Variants in PCDH15 observed in about 807,000 individuals in gnomAD.
PCDH15 encodes protocadherin related 15.
A neutral mutation model predicts 178.5 loss-of-function variants in PCDH15; 129 were observed. That is an observed-to-expected ratio of 0.72 (90% confidence interval 0.63 to 0.84). The LOEUF (loss-of-function observed/expected upper bound fraction) is 0.84, where lower values mean the gene tolerates loss of function less well. Among genes scored for constraint, PCDH15 ranks in the 40% least tolerant of loss-of-function variants. PCDH15 has a pLI of 0.00. For missense variants in PCDH15, 2,230 were observed against 2,099.9 expected (o/e 1.06, Z -1.21); for synonymous variants, 800 against 732.0 (o/e 1.09, Z -1.50).
chr10:54,999,677 C>G (rs4522075), intron 2 of PCDH15, among the ~76,000 whole-genome samples: 111,411 of 152,032 alleles, frequency 0.73, 40,957 homozygotes, highest in East Asian at 0.87. Context: ...CAGGGCAGGA[C>G]GCCACAGTAC....
At chr10:53,830,261 C>T (rs917776691) in intron 30 of PCDH15, among the ~76,000 whole-genome samples, 3 of 151,236 alleles carry the variant, frequency 2.0e-5, no homozygotes, top group Non-Finnish European at 2.9e-5. Flanking sequence ...GAGATCACAC[C>T]ACTGCACTCC....
chr10:54,722,906 A>G (rs917614665), intron 1 of PCDH15, among the ~76,000 whole-genome samples: 15 of 151,830 alleles, frequency 9.9e-5, no homozygotes, highest in Non-Finnish European at 2.2e-4. Flanking sequence ...GACAAAAACA[A>G]ATGGAAAACC....
intron 9 of PCDH15, among the ~76,000 whole-genome samples, chr10:54,225,581 A>G (rs2053344482): frequency 6.6e-6 from 1 of 152,152 alleles, no homozygotes; most frequent in Non-Finnish European, 1.5e-5. Flanking sequence ...CCTTATAATC[A>G]CTGAAGGAAA....
chr10:54,372,110 A>T (rs530211640), intron 4 of PCDH15, among the ~76,000 whole-genome samples: 1 of 152,040 alleles, frequency 6.6e-6, no homozygotes, highest in South Asian at 2.1e-4. Flanking sequence ...AACAAAATAA[A>T]TATGTGTACT....
chr10:55,111,890 A>G (rs1837517010), intron 2 of PCDH15, among the ~76,000 whole-genome samples: 1 of 152,180 alleles, frequency 6.6e-6, no homozygotes, highest in Non-Finnish European at 1.5e-5. Flanking sequence ...TTCTTTTTCA[A>G]ATTGCTGTTT....
chr10:53,973,880 A>G (rs776394219), intron 21 of PCDH15, among the ~76,000 whole-genome samples: 4 of 152,254 alleles, frequency 2.6e-5, no homozygotes, highest in Admixed American at 6.5e-5. Flanking sequence ...AGAAGGATAC[A>G]TGTATTTTAG....
intron 4 of PCDH15, among the ~76,000 whole-genome samples, chr10:54,373,111 A>G (rs1354796167): frequency 6.6e-6 from 1 of 151,928 alleles, no homozygotes; most frequent in East Asian, 1.9e-4. Flanking sequence ...ATTTGTTGAT[A>G]TTAGCAGTTT....
At chr10:53,920,566 T>C (rs1189081430) in intron 25 of PCDH15, among the ~76,000 whole-genome samples, 1 of 152,050 alleles carries the variant, frequency 6.6e-6, no homozygotes, top group Non-Finnish European at 1.5e-5. Context: ...AAATAGTTAA[T>C]GTTAATGTTA....
chr10:55,626,143 GAA>G (rs1564490412), intron 2 of PCDH15, among the ~76,000 whole-genome samples: 1 of 151,104 alleles, frequency 6.6e-6, no homozygotes, highest in Non-Finnish European at 1.5e-5. Context: ...AAGAGAGAGA[GAA>G]AGAGAGAGAG....
intron 2 of PCDH15, among the ~76,000 whole-genome samples, chr10:54,904,106 T>C (rs1954682610): frequency 6.6e-6 from 1 of 152,046 alleles, no homozygotes; most frequent in African/African-American, 2.4e-5. Flanking sequence ...AATGAAACAA[T>C]ATCATGCTGT....
chr10:54,745,757 T>C (rs1945376762), intron 1 of PCDH15, among the ~76,000 whole-genome samples: 1 of 152,224 alleles, frequency 6.6e-6, no homozygotes, highest in Non-Finnish European at 1.5e-5. Flanking sequence ...ATAAAATTAA[T>C]CTGCAGCGAA....
intron 15 of PCDH15, among the ~76,000 whole-genome samples, chr10:54,131,455 C>A (rs914382262): frequency 1.3e-5 from 2 of 151,988 alleles, no homozygotes; most frequent in Non-Finnish European, 2.9e-5. Context: ...TTTTTCTATT[C>A]TTTATCATTA....
intron 2 of PCDH15, among the ~76,000 whole-genome samples, chr10:55,125,170 T>TGG (rs1276540354): frequency 2.3e-5 from 3 of 129,810 alleles, no homozygotes; most frequent in South Asian, 3.2e-4. Flanking sequence ...TAATTGTGTG[T>TGG]GTGTGTGTGT....
chr10:54,084,510 T>G (rs2094487601), intron 16 of PCDH15, among the ~76,000 whole-genome samples: 1 of 151,972 alleles, frequency 6.6e-6, no homozygotes. Flanking sequence ...AATTATCACC[T>G]GTAGTCCCAG....
chr10:54,039,959 G>T (rs10825206), intron 18 of PCDH15, among the ~76,000 whole-genome samples: 90,628 of 151,772 alleles, frequency 0.6, 29,789 homozygotes, highest in Middle Eastern at 0.76. Flanking sequence ...CACATCCCAA[G>T]ATTCTATGTG....
chr10:53,914,636 G>A (rs1589397387), intron 25 of PCDH15, among the ~76,000 whole-genome samples: 1 of 152,174 alleles, frequency 6.6e-6, no homozygotes, highest in Admixed American at 6.5e-5. Flanking sequence ...CTGGCGGAGG[G>A]ATAGCATTAG....
At chr10:54,396,061 G>T (rs374143527) in intron 3 of PCDH15, among the ~76,000 whole-genome samples, 1 of 152,158 alleles carries the variant, frequency 6.6e-6, no homozygotes. Flanking sequence ...TTACCTAAAA[G>T]GACGATATAC....
intron 11 of PCDH15, among the ~76,000 whole-genome samples, 182 bp from the exon 12 acceptor site, chr10:54,185,450 T>C (rs2048402325): frequency 6.6e-6 from 1 of 152,074 alleles, no homozygotes; most frequent in South Asian, 2.1e-4. Flanking sequence ...CAAAAGATGG[T>C]GACCTATATC....
intron 2 of PCDH15, among the ~76,000 whole-genome samples, chr10:55,462,347 A>G (rs912456188): frequency 6.6e-6 from 1 of 152,138 alleles, no homozygotes; most frequent in African/African-American, 2.4e-5. Context: ...GATTTTTCTC[A>G]TAGTACATTA....
Sources: gnomAD v4.1 joint callset for allele counts (sites outside exome capture counted in the v4.1 genomes callset) on GRCh38, gnomAD v4.1.1 for gene constraint, MANE v1.5 for transcripts, NCBI Gene and HGNC (gene_info 2026-07-23, HGNC 2026-07-21) for gene names.